The following VIRMA variants were observed in gnomAD, a reference collection of about 807,000 sequenced individuals.
VIRMA encodes the protein protein virilizer homolog.
A neutral mutation model predicts 182.4 loss-of-function variants in VIRMA; 65 were observed. The ratio of observed to expected loss-of-function variants is 0.36; its 90% CI spans 0.29 to 0.44. VIRMA has a LOEUF of 0.44. Ranked by LOEUF, VIRMA falls within the 20% of genes least tolerant of loss-of-function variation. The pLI is 1.00. For synonymous variants in VIRMA, 709 were observed against 743.1 expected (o/e 0.95, Z 0.75); for missense variants, 1,752 against 2,158.1 (o/e 0.81, Z 3.73).
Position 94,526,400 on chromosome 8 carries a change from T to C in VIRMA, c.1844A>G (p.Glu615Gly), listed in dbSNP as rs1285166240. ...TTCCCCTTCACTTATATTTGAGGATTCCAAAAGATCCATATCCATAGAAGC... is the reference window on the plus strand; with the variant it reads ...TTCCCCTTCACTTATATTTGAGGATCCCAAAAGATCCATATCCATAGAAGC... ...VEASMDMDLL[E>G]SSNISEGEIE... is the part of the protein sequence containing the mutation. Residue 615 changes from glutamate (E) to glycine (G), a missense_variant, in exon 8 of 24, where the codon GAA becomes GGA. Around this residue, in one of 11 missense-constraint regions of VIRMA, gnomAD observed 401 missense variants for 455.1 expected, o/e 0.88. Transcript: ENST00000297591. The C allele has an allele frequency of 3.7e-6, 6 of 1,613,974 alleles. No homozygotes were observed. In the Middle Eastern group the frequency reaches 5.0e-4, roughly 133 times the overall value.
rs1866844 is a variant in VIRMA at position 94,519,191 on chromosome 8, T to C, written c.2307A>G (p.Gln769=). The C allele has an allele frequency of 0.26, 425,352 of 1,613,706 alleles. 58,266 individuals carry two copies. The highest frequency in any genetic ancestry group is 0.43 in the South Asian group (39,596 of 91,062). Residue 769 remains glutamine, a synonymous_variant, in exon 9 of 24, where the codon CAA becomes CAG. Coordinates refer to ENST00000297591, the MANE Select transcript of VIRMA (RefSeq NM_015496.5). ...LWLQDSTQTL[Q]CITELFSHFQ... Reference sequence around the variant, plus strand: ...AATGGCTGAACAGTTCTGTAATACATTGCAATGTCTGTGTTGAGTCCTGTA... The same window carrying C: ...AATGGCTGAACAGTTCTGTAATACACTGCAATGTCTGTGTTGAGTCCTGTA...
rs1814365767 is a variant in VIRMA at position 94,511,338 on chromosome 8, G to T, written c.3237C>A (p.Leu1079=). The T allele has an allele frequency of 1.2e-6, 2 of 1,613,618 alleles. No individual in the cohort carries two copies. The highest frequency in any genetic ancestry group is 1.7e-6 in the Non-Finnish European group (2 of 1,179,914). ...TGGCCAGAGTCTCTTCTGAGATTGT[G>T]AGTTTTTCATTAACTCCTTGTGTAA... ...LTFTQGVNEK[L]TISEETLANN... The change falls in exon 13 of 24, where the codon CTC becomes CTA. Residue 1079 remains leucine (L), a synonymous_variant. Coordinates refer to ENST00000297591, the MANE Select transcript of VIRMA (RefSeq NM_015496.5).
rs547668145 is a variant in VIRMA, at chr8:94,532,528, T to C, written c.485-1443A>G. Among the ~76,000 whole-genome samples, 12 of 152,318 alleles carry C rather than the reference T, an allele frequency of 7.9e-5. No individual in the cohort carries two copies. The South Asian group carries it at 2.3e-3, about 29-fold the overall frequency. On this transcript the variant is annotated intron_variant, in intron 5 of 23. Coordinates refer to ENST00000297591, the MANE Select transcript of VIRMA (RefSeq NM_015496.5). ...TCTAGTGAAATCTGAATAAGCTCCA[T>C]AGATTACACCAACACCAATTTTCTG...
At chr8:94,500,254 C>T (rs1343772625) in intron 16 of VIRMA, among the ~76,000 whole-genome samples, 1 of 152,114 alleles carries the variant, frequency 6.6e-6, no homozygotes, top group East Asian at 1.9e-4. Flanking sequence ...AAAAAATTTG[C>T]CAGGCGTAGT....
chr8:94,548,362 A>C (rs922522116), intron 1 of VIRMA, among the ~76,000 whole-genome samples: 3 of 151,232 alleles, frequency 2.0e-5, no homozygotes, highest in African/African-American at 7.4e-5. Flanking sequence ...TAACGTGGGC[A>C]ACGGGTGTAT....
At position 94,519,016 on chromosome 8, in the gene VIRMA, G is replaced by A; in HGVS notation, c.2482C>T (p.Leu828=). Reference sequence around the variant, plus strand: ...GCTTCTTTGGAATAGTACTCCATTAGAGTAATAAGACTTTGGAGATTTTTC... The same window carrying A: ...GCTTCTTTGGAATAGTACTCCATTAAAGTAATAAGACTTTGGAGATTTTTC... ...LEKNLQSLIT[L]MEYYSKEALG... is the part of the protein sequence containing the mutation. The change falls in exon 9 of 24, where the codon CTA becomes TTA. Residue 828 remains leucine (L), a synonymous_variant. Coordinates refer to ENST00000297591, the MANE Select transcript of VIRMA (RefSeq NM_015496.5). The A allele has an allele frequency of 6.2e-7, 1 of 1,613,164 alleles. No homozygotes were observed. The highest frequency in any genetic ancestry group is 8.5e-7 in the Non-Finnish European group (1 of 1,179,648).
chr8:94,545,787 G>C (rs1815736709), intron 1 of VIRMA, among the ~76,000 whole-genome samples: 1 of 152,168 alleles, frequency 6.6e-6, no homozygotes, highest in African/African-American at 2.4e-5. Context: ...GGGAGCCATG[G>C]CTCACACCTG....
chr8:94,512,497 C>G (rs1814413556), intron 11 of VIRMA: 1 of 152,436 alleles, frequency 6.6e-6, no homozygotes, highest in Non-Finnish European at 1.5e-5. Context: ...CCTGTGGAGG[C>G]TGAGTGCAGT....
chr8:94,546,585 G>A (rs3102872), intron 1 of VIRMA, among the ~76,000 whole-genome samples: 18,843 of 150,672 alleles, frequency 0.13, 2,343 homozygotes, highest in African/African-American at 0.26. Flanking sequence ...TATTTCAATA[G>A]TTTTTGGGAT....
chr8:94,542,576 G>A (rs533484764), intron 2 of VIRMA, among the ~76,000 whole-genome samples: 60 of 152,254 alleles, frequency 3.9e-4, no homozygotes, highest in Non-Finnish European at 8.5e-4. Context: ...TTGGCCAAAA[G>A]CAGTACAATT....
chr8:94,533,974 A>G (rs913484778), intron 5 of VIRMA: 1 of 152,020 alleles, frequency 6.6e-6, no homozygotes, highest in African/African-American at 2.4e-5. Context: ...CAATCCTCCC[A>G]CTTCGGCCTC....
chr8:94,509,069 G>A (rs913064632), intron 15 of VIRMA, among the ~76,000 whole-genome samples: 5 of 152,254 alleles, frequency 3.3e-5, no homozygotes, highest in African/African-American at 1.2e-4. Context: ...GCCCCAACAA[G>A]AGAACATATT....
At chr8:94,538,736 T>C (rs1033601387) in intron 2 of VIRMA, among the ~76,000 whole-genome samples, 1 of 152,100 alleles carries the variant, frequency 6.6e-6, no homozygotes, top group Non-Finnish European at 1.5e-5. Flanking sequence ...CTCAGCTTCC[T>C]GAGCAGCTGG....
intron 5 of VIRMA, among the ~76,000 whole-genome samples, chr8:94,531,844 C>T (rs1815185035): frequency 6.6e-6 from 1 of 152,138 alleles, no homozygotes; most frequent in Non-Finnish European, 1.5e-5. Flanking sequence ...TTTTGTAACA[C>T]CACTCAGCAA....
intron 16 of VIRMA, among the ~76,000 whole-genome samples, chr8:94,501,488 T>C (rs1271070156): frequency 6.6e-6 from 1 of 152,194 alleles, no homozygotes; most frequent in Admixed American, 6.5e-5. Flanking sequence ...GCTCAATTTG[T>C]TTCCCACAGG....
Position 94,526,214 on chromosome 8 carries a change from A to T in VIRMA, c.2021+9T>A, listed in dbSNP as rs374093023. The stretch of plus-strand genomic sequence containing the variant: ...GAAATTTATTTCCCAAAAGGCAAAC[A>T]TGTCTTACCTAAAGAGAACAGGGTA... On this transcript the variant is annotated intron_variant, in intron 8 of 23. Transcript: ENST00000297591. The T allele has an allele frequency of 3.9e-6, 6 of 1,550,906 alleles. No individual in the cohort carries two copies. Among genetic ancestry groups the T allele is most frequent in the Non-Finnish European group, 5.2e-6 (6 of 1,151,410 alleles).
chr8:94,522,267 C>A (rs1814800717), intron 8 of VIRMA, among the ~76,000 whole-genome samples: 1 of 152,264 alleles, frequency 6.6e-6, no homozygotes, highest in East Asian at 1.9e-4. Context: ...CCTCAACAGG[C>A]AACACTTCAC....
intron 8 of VIRMA, among the ~76,000 whole-genome samples, chr8:94,524,516 G>C (rs757156715): frequency 6.6e-6 from 1 of 151,854 alleles, no homozygotes; most frequent in African/African-American, 2.4e-5. Flanking sequence ...TGTTGGTCAG[G>C]CTGGTCTCGA....
rs748554192 is a variant in VIRMA, at chr8:94,491,684, G to A, written c.5034C>T (p.Leu1678=). The A allele has an allele frequency of 1.2e-6, 2 of 1,614,166 alleles. No individual in the cohort carries two copies. The highest frequency in any genetic ancestry group is 3.3e-5 in the Admixed American group (2 of 60,016). The change falls in exon 22 of 24, where the codon CTC becomes CTT. Residue 1678 remains leucine, a synonymous_variant. Transcript: ENST00000297591. ...QDGIPPPKRP[L]KVSQKISSRG... ...GGGAAGAAATCTTCTGTGATACTTT[G>A]AGTGGCCGTTTTGGTGGAGGTATTC...
Sources: gnomAD v4.1 joint callset for allele counts (sites outside exome capture counted in the v4.1 genomes callset) on GRCh38, gnomAD v4.1.1 for gene constraint, gnomAD v4.1.1 regional missense constraint, MANE v1.5 for transcripts, NCBI Gene and HGNC (gene_info 2026-07-23, HGNC 2026-07-21) for gene names.